Variants in HDGF observed in about 807,000 individuals in gnomAD.
HDGF encodes the protein heparin binding growth factor.
A neutral mutation model predicts 30.0 loss-of-function variants in HDGF; 5 were observed. The observed-to-expected ratio is 0.17, with a 90% CI of 0.09 to 0.35. The LOEUF is 0.35. Among genes scored for constraint, HDGF ranks in the 10% least tolerant of loss-of-function variants. The pLI is 1.00. For synonymous variants in HDGF, 133 were observed against 112.7 expected, an observed-to-expected ratio of 1.18 and a Z score of -1.14; for missense variants, 214 against 302.8, an observed-to-expected ratio of 0.71 and a Z score of 2.18.
chr1:156,760,843 CT>C (rs10718204), intron 1 of HDGF, among the ~76,000 whole-genome samples: 14,819 of 144,500 alleles, frequency 0.1, 913 homozygotes, highest in African/African-American at 0.17. Context: ...CTCCCCCAGC[CT>C]TTTTTTTTTT....
At chr1:156,754,239 C>T (rs1651116507), upstream of HDGF, among the ~76,000 whole-genome samples, 1 of 152,150 alleles carries the variant, frequency 6.6e-6, no homozygotes, top group Admixed American at 6.5e-5. Flanking sequence ...AAACTATTTT[C>T]CAATTTGGTA....
chr1:156,744,312 G>C lies in HDGF; in HGVS notation c.340C>G (p.Pro114Ala), dbSNP rs369237103. ...TCACCCTCTGCAGCTTCGGGCTCTGGTTCAGGCTCTTCCACACAGCTCTTT... is the reference window on the plus strand; with the variant it reads ...TCACCCTCTGCAGCTTCGGGCTCTGCTTCAGGCTCTTCCACACAGCTCTTT... The part of the protein sequence containing the change: ...QKKSCVEEPE[P>A]EPEAAEGDGD... Residue 114 changes from proline to alanine, a missense_variant, in exon 4 of 6, where the codon CCA becomes GCA. Pro to Ala is a conservative substitution (Grantham distance 27). This residue lies in a region of HDGF where 176 missense variants were observed against 211.7 expected (regional missense o/e 0.83). Transcript: ENST00000357325. 3 of 1,613,998 alleles carry C rather than the reference G, an allele frequency of 1.9e-6. No individual in the cohort carries two copies. Among genetic ancestry groups the C allele is most frequent in the East Asian group, 2.2e-5 (1 of 44,888 alleles).
At chr1:156,748,754 T>C (rs1650765298) in intron 1 of HDGF, among the ~76,000 whole-genome samples, 4 of 152,276 alleles carry the variant, frequency 2.6e-5, no homozygotes, top group Admixed American at 2.0e-4. Context: ...AAGCACACAC[T>C]GGCTACCAGC....
intron 1 of HDGF, among the ~76,000 whole-genome samples, chr1:156,764,322 G>A (rs968971013): frequency 2.6e-5 from 4 of 151,864 alleles, no homozygotes; most frequent in Admixed American, 1.3e-4. Flanking sequence ...TCCACCTCCC[G>A]GGTTCAAGCG....
intron 1 of HDGF, among the ~76,000 whole-genome samples, chr1:156,750,923 TAGGGGTCTCTA>T (rs1232980349): frequency 1.3e-5 from 2 of 148,914 alleles, no homozygotes; most frequent in Middle Eastern, 6.4e-3. Context: ...ACGAACAAAC[TAGGGGTCTCTA>T]AGGGGGTCTT....
At chr1:156,763,682 T>C (rs1651298936) in intron 1 of HDGF, among the ~76,000 whole-genome samples, 1 of 145,924 alleles carries the variant, frequency 6.9e-6, no homozygotes. Flanking sequence ...GCCTCCCGCA[T>C]TCAAGCAATT....
intron 1 of HDGF, among the ~76,000 whole-genome samples, chr1:156,762,335 T>C (rs1281223542): frequency 1.3e-5 from 2 of 151,786 alleles, no homozygotes; most frequent in African/African-American, 4.8e-5. Context: ...GAGGATTGCT[T>C]GACCTCAGGA....
chr1:156,755,219 C>A (rs1158618208), upstream of HDGF, among the ~76,000 whole-genome samples: 1 of 152,132 alleles, frequency 6.6e-6, no homozygotes, highest in Non-Finnish European at 1.5e-5. Context: ...GACTTGGGAC[C>A]CCAAAGCAGA....
upstream of HDGF, chr1:156,752,422 T>C (rs1234601201): frequency 6.9e-7 from 1 of 1,459,666 alleles, no homozygotes; most frequent in African/African-American, 1.4e-5. Context: ...AACGGCTAGC[T>C]AACCCCGCAA....
chr1:156,765,568 G>A (rs1187439331), intron 1 of HDGF, among the ~76,000 whole-genome samples: 2 of 134,370 alleles, frequency 1.5e-5, no homozygotes, highest in Non-Finnish European at 3.1e-5. Flanking sequence ...TCTGCCTCCC[G>A]GGTTCAAACG....
chr1:156,747,015 C>A (rs149842171), intron 1 of HDGF, among the ~76,000 whole-genome samples: 1,650 of 152,018 alleles, frequency 0.011, 29 homozygotes, highest in African/African-American at 0.038. Context: ...GGCTTTTGGG[C>A]ACCTCCCCGC....
In HDGF at chr1:156,743,375, C is replaced by T; in HGVS notation, c.*74G>A. On this transcript the variant is annotated 3_prime_UTR_variant, in exon 6 of 6. Transcript: ENST00000357325. ...GGGAAAGGGGTTCCCAGTTTGCAGG[C>T]CATGGCCAGTTTCCCCAGTAGCACC... is the stretch of plus-strand genomic sequence containing the variant. 2.7e-6 allele frequency: 4 copies of T among 1,457,866 alleles called. No homozygotes were observed. Among genetic ancestry groups the T allele is most frequent in the Non-Finnish European group, 3.7e-6 (4 of 1,086,838 alleles). 90.3% of individuals were successfully genotyped at this position (1,457,866 alleles called of 1,614,324 possible).
intron 1 of HDGF, among the ~76,000 whole-genome samples, chr1:156,764,211 C>A (rs1651308504): frequency 6.6e-6 from 1 of 151,546 alleles, no homozygotes; most frequent in African/African-American, 2.4e-5. Context: ...AGCCACCGTA[C>A]ATAGTTAAAA....
At chr1:156,763,924 G>A (rs572570195) in intron 1 of HDGF, among the ~76,000 whole-genome samples, 1 of 151,856 alleles carries the variant, frequency 6.6e-6, no homozygotes, top group South Asian at 2.1e-4. Flanking sequence ...CTGAGACAGG[G>A]TCATGCTCTG....
chr1:156,751,612 C>A lies in HDGF; in HGVS notation c.-183G>T. ...CCGCCCGCGCGCCGCACGGACGGGG[C>A]GGGCGCGGATCGGGGCAAGGCTCCG... On this transcript the variant is annotated 5_prime_UTR_variant, in exon 1 of 6. Coordinates refer to ENST00000357325, the MANE Select transcript of HDGF (RefSeq NM_004494.3). This position sits in a 1 kb window ranked among gnomAD's most constrained non-coding sequence, Gnocchi z 4.7. 2.0e-6 allele frequency: 2 copies of A among 984,576 alleles called. No homozygotes were observed. Among genetic ancestry groups the A allele is most frequent in the South Asian group, 9.4e-5 (2 of 21,358 alleles). The allele number at this position is 984,576 out of a possible 1,614,324, so 61.0% of individuals were successfully genotyped here. A position where few individuals can be genotyped will look rare whatever the true frequency, so the allele number is the denominator to read the frequency against.
rs1160440242 is a variant in HDGF at position 156,763,956 on chromosome 1, GGT to G, written n.136+2832_136+2833del. Among the ~76,000 whole-genome samples the G allele has an allele frequency of 9.9e-5, 15 of 151,068 alleles. No individual in the cohort carries two copies. The East Asian group carries it at 1.2e-3, about 12-fold the overall frequency. On this transcript the variant is annotated intron_variant and non_coding_transcript_variant, in intron 1 of 7. Transcript: ENST00000465180. Reference sequence around the variant, plus strand: ...TCTGTCACCCAGGCTGGAGTGCAGTGGTGCGATCTCAGCTCACTGCAGCCTCA... The same window carrying G: ...TCTGTCACCCAGGCTGGAGTGCAGTGGCGATCTCAGCTCACTGCAGCCTCA...
chr1:156,755,701 C>T (rs563556918), upstream of HDGF: 1 of 152,316 alleles, frequency 6.6e-6, no homozygotes, highest in South Asian at 2.1e-4. Context: ...TTAGATTAGA[C>T]CAGTGGCTTT....
At chr1:156,749,860 A>G (rs150364257) in intron 1 of HDGF, among the ~76,000 whole-genome samples, 62 of 152,308 alleles carry the variant, frequency 4.1e-4, no homozygotes, top group African/African-American at 1.3e-3. Flanking sequence ...GGAACAGTAG[A>G]GACCTGGGTT....
upstream of HDGF, chr1:156,751,789 A>G (rs1651001158): frequency 4.6e-6 from 4 of 863,380 alleles, no homozygotes; most frequent in Non-Finnish European, 5.6e-6. The surrounding 1 kb of genome is among the most constrained non-coding windows in gnomAD (Gnocchi z 4.7). Flanking sequence ...CCGCCCCCCA[A>G]CCTCGCGCTC....
Sources: gnomAD v4.1 joint callset for allele counts (sites outside exome capture counted in the v4.1 genomes callset) on GRCh38, gnomAD v4.1.1 for gene constraint, gnomAD v4.1.1 regional missense constraint, Gnocchi (gnomAD v3.1) non-coding constraint, MANE v1.5 for transcripts, NCBI Gene and HGNC (gene_info 2026-07-23, HGNC 2026-07-21) for gene names.